CRMP1: variants seen among roughly 807,000 people sequenced by gnomAD.
The protein encoded by CRMP1 is collapsin response mediator protein 1.
Under a neutral mutation model 68.3 loss-of-function variants are expected in CRMP1, and 19 were observed. The observed-to-expected ratio is 0.28, with a 90% CI of 0.19 to 0.41. The LOEUF (loss-of-function observed/expected upper bound fraction) is 0.41. Among genes scored for constraint, CRMP1 ranks in the 10% least tolerant of loss-of-function variants. CRMP1 has a pLI of 1.00. For synonymous variants in CRMP1, 439 were observed against 399.6 expected (o/e 1.10, Z -1.18); for missense variants, 791 against 967.4 (o/e 0.82, Z 2.42).
chr4:5,825,019 T>C lies in CRMP1; in HGVS notation c.1969+475A>G. On this transcript the variant is annotated intron_variant, in intron 13 of 13. Coordinates refer to ENST00000324989, the MANE Select transcript of CRMP1 (RefSeq NM_001014809.3). The surrounding 1 kb of genome is among the most constrained non-coding windows in gnomAD (Gnocchi z 4.4). ...GTTTCCTCTTTAAATAAATAGGGTA[T>C]AATGTTACTTTATGGAGTAGTGAGG... 2 of 985,184 alleles carry C rather than the reference T, an allele frequency of 2.0e-6. No individual in the cohort carries two copies. Among genetic ancestry groups the C allele is most frequent in the Non-Finnish European group, 2.4e-6 (2 of 829,718 alleles). The allele number at this position is 985,184 out of a possible 1,614,324, so 61.0% of individuals were successfully genotyped here. A position where few individuals can be genotyped will look rare whatever the true frequency, so the allele number is the denominator to read the frequency against.
intron 1 of CRMP1, among the ~76,000 whole-genome samples, chr4:5,880,630 T>A (rs1260955633): frequency 1.3e-5 from 2 of 152,194 alleles, no homozygotes; most frequent in African/African-American, 2.4e-5. Flanking sequence ...CCATGTGAAA[T>A]GCAGCGAAGC....
At position 5,834,235 on chromosome 4, in the gene CRMP1, A is replaced by G. The variant is rs561554403; in HGVS notation, c.1623+1680T>C. On this transcript the variant is annotated intron_variant, in intron 11 of 13. Coordinates refer to ENST00000324989, the MANE Select transcript of CRMP1 (RefSeq NM_001014809.3). This position sits in a 1 kb window ranked among gnomAD's most constrained non-coding sequence, Gnocchi z 4.3. ...GTGCACACCCTGTGCTATGGTTGGA[A>G]TATCCCCTCAAAATTCAACTGGACA... Among the ~76,000 whole-genome samples the G allele has an allele frequency of 3.4e-4, 52 of 152,194 alleles. No individual in the cohort carries two copies. Among genetic ancestry groups the G allele is most frequent in the Non-Finnish European group, 7.2e-4 (49 of 68,030 alleles).
Position 5,861,016 on chromosome 4 carries a change from T to C in CRMP1, c.655+10A>G. The C allele has an allele frequency of 6.2e-7, 1 of 1,613,270 alleles. No homozygotes were observed. The highest frequency in any genetic ancestry group is 8.5e-7 in the Non-Finnish European group (1 of 1,179,704). On this transcript the variant is annotated intron_variant, in intron 3 of 13. Coordinates refer to ENST00000324989, the MANE Select transcript of CRMP1 (RefSeq NM_001014809.3). The surrounding 1 kb of genome is among the most constrained non-coding windows in gnomAD (Gnocchi z 6.0). ...TCTATGTCCCTAAGGCAGGGGACAG[T>C]GTCACTCACTGATCATCGTGGTCCC...
At chr4:5,869,228 C>T (rs550995250) in intron 1 of CRMP1, among the ~76,000 whole-genome samples, 1 of 152,306 alleles carries the variant, frequency 6.6e-6, no homozygotes, top group South Asian at 2.1e-4. Context: ...ACCGGGATTA[C>T]AGGTGTGAGC....
At position 5,891,448 on chromosome 4, in the gene CRMP1, A is replaced by T. The variant is rs1715946974; in HGVS notation, c.381+1141T>A. 1.3e-5 allele frequency among the ~76,000 whole-genome samples: 2 copies of T among 152,208 alleles called. No homozygotes were observed. The highest frequency in any genetic ancestry group is 4.8e-5 in the African/African-American group (2 of 41,460). On this transcript the variant is annotated intron_variant, in intron 1 of 13. Coordinates refer to ENST00000324989, the MANE Select transcript of CRMP1 (RefSeq NM_001014809.3). This position sits in a 1 kb window ranked among gnomAD's most constrained non-coding sequence, Gnocchi z 5.2. ...CATTTAAGAGGGGAAGGTTTAATTA[A>T]AATGATAATGATTGTAATAAAAGTC...
rs986493784 is a variant in CRMP1 at position 5,825,058 on chromosome 4, A to T, written c.1969+436T>A. Reference sequence around the variant, plus strand: ...GGAGTAGTGAGGATAAAATAAAATCATGGGTTATGAAAGTGCTTAGTACAC... The same window carrying T: ...GGAGTAGTGAGGATAAAATAAAATCTTGGGTTATGAAAGTGCTTAGTACAC... On this transcript the variant is annotated intron_variant, in intron 13 of 13. Transcript: ENST00000324989. This position sits in a 1 kb window ranked among gnomAD's most constrained non-coding sequence, Gnocchi z 4.4. 6.1e-6 allele frequency: 6 copies of T among 985,274 alleles called. No individual in the cohort carries two copies. In the African/African-American group the frequency reaches 1.0e-4, roughly 17 times the overall value. The allele number at this position is 985,274 out of a possible 1,614,324, so 61.0% of individuals were successfully genotyped here.
At position 5,824,732 on chromosome 4, in the gene CRMP1, G is replaced by GA. The variant is rs553606355; in HGVS notation, c.1969+761dup. On this transcript the variant is annotated intron_variant, in intron 13 of 13. Coordinates refer to ENST00000324989, the MANE Select transcript of CRMP1 (RefSeq NM_001014809.3). The stretch of plus-strand genomic sequence containing the variant: ...AAGTATTTACTATCCGGCCTTCTAA[G>GA]AAAAAAAATCACCATACTCTTAGTA... 38 of 984,892 alleles carry GA rather than the reference G, an allele frequency of 3.9e-5. No individual in the cohort carries two copies. The South Asian group carries it at 1.1e-3, about 28-fold the overall frequency. 61.0% of individuals were successfully genotyped at this position (984,892 alleles called of 1,614,324 possible). A position where few individuals can be genotyped will look rare whatever the true frequency, so the allele number is the denominator to read the frequency against.
rs1711713028 is a variant in CRMP1, at chr4:5,841,375, G to A, written c.1086C>T (p.Cys362=). The A allele has an allele frequency of 2.5e-6, 4 of 1,614,038 alleles. No homozygotes were observed. The South Asian group carries it at 4.4e-5, about 18-fold the overall frequency. ...TCATGACCTTGGTGATGTACACAGG[G>A]CAGTTGATCCGGCCCGCAATGGTGA... ...RAITIAGRIN[C]PVYITKVMSK... The change falls in exon 8 of 14, where the codon TGC becomes TGT. Residue 362 remains cysteine, a synonymous_variant. Transcript: ENST00000324989. The surrounding 1 kb of genome is among the most constrained non-coding windows in gnomAD (Gnocchi z 6.9).
In CRMP1 at chr4:5,867,678, G is replaced by T. The variant is rs542525477; in HGVS notation, c.382-922C>A. On this transcript the variant is annotated intron_variant, in intron 1 of 13. Transcript: ENST00000324989. Reference sequence around the variant, plus strand: ...CAGGGGGTTGACAGATGGAGAGACAGATGTTTATCAAGTCATGGGGTATGT... The same window carrying T: ...CAGGGGGTTGACAGATGGAGAGACATATGTTTATCAAGTCATGGGGTATGT... Among the ~76,000 whole-genome samples the T allele has an allele frequency of 2.6e-5, 4 of 152,302 alleles. No individual in the cohort carries two copies. The South Asian group carries it at 8.3e-4, about 32-fold the overall frequency.
At chr4:5,852,524 A>T (rs1712736673) in intron 4 of CRMP1, among the ~76,000 whole-genome samples, 1 of 151,958 alleles carries the variant, frequency 6.6e-6, no homozygotes, top group Admixed American at 6.6e-5. Flanking sequence ...TTCCTAACTT[A>T]TTTATTCATG....
In CRMP1 at chr4:5,843,585, G is replaced by A. The variant is rs938818439; in HGVS notation, c.964-424C>T. ...CTTTGATGTTGAAATCAAAGATCCC[G>A]AAACTGGGAGTCCAGATCCAGAACA... On this transcript the variant is annotated intron_variant, in intron 6 of 13. Transcript: ENST00000324989. This position sits in a 1 kb window ranked among gnomAD's most constrained non-coding sequence, Gnocchi z 4.1. 2.6e-5 allele frequency among the ~76,000 whole-genome samples: 4 copies of A among 152,126 alleles called. No individual in the cohort carries two copies. The highest frequency in any genetic ancestry group is 5.9e-5 in the Non-Finnish European group (4 of 68,024).
chr4:5,824,699 A>C, intron 13 of CRMP1: 11 of 974,226 alleles, frequency 1.1e-5, no homozygotes, highest in Non-Finnish European at 1.3e-5. Context: ...CTTAGCTTAC[A>C]AAGCCTAAAG....
At chr4:5,848,148 T>G (rs74676432) in intron 6 of CRMP1, among the ~76,000 whole-genome samples, 1 of 132,200 alleles carries the variant, frequency 7.6e-6, no homozygotes, top group African/African-American at 3.1e-5. Context: ...CCTGACTTCA[T>G]TTTTTTTTTT....
chr4:5,843,202 C>G lies in CRMP1; in HGVS notation c.964-41G>C. 1.9e-6 allele frequency: 3 copies of G among 1,608,886 alleles called. No homozygotes were observed. Among genetic ancestry groups the G allele is most frequent in the Non-Finnish European group, 2.6e-6 (3 of 1,175,376 alleles). The stretch of plus-strand genomic sequence containing the variant: ...AAGTGAGTTAACGATTAGAGGGTGT[C>G]AGAGCTGGGAGAAGTGACTCCTCCA... On this transcript the variant is annotated intron_variant, in intron 6 of 13. Transcript: ENST00000324989. This position sits in a 1 kb window ranked among gnomAD's most constrained non-coding sequence, Gnocchi z 4.1.
Position 5,888,513 on chromosome 4 carries a change from C to A in CRMP1, c.381+4076G>T. ...GGGCGGGAGAAGGAGGAGGGAGAGG[C>A]GAGGGCGGGAGGAGGGGGCTGCAGA... is the stretch of plus-strand genomic sequence containing the variant. On this transcript the variant is annotated intron_variant, in intron 1 of 13. Coordinates refer to ENST00000324989, the MANE Select transcript of CRMP1 (RefSeq NM_001014809.3). The surrounding 1 kb of genome is among the most constrained non-coding windows in gnomAD (Gnocchi z 6.4). The A allele has an allele frequency of 4.2e-6, 5 of 1,190,370 alleles. No homozygotes were observed. Among genetic ancestry groups the A allele is most frequent in the Non-Finnish European group, 5.2e-6 (5 of 961,606 alleles). The allele number at this position is 1,190,370 out of a possible 1,614,324, so 73.7% of individuals were successfully genotyped here. A position where few individuals can be genotyped will look rare whatever the true frequency, so the allele number is the denominator to read the frequency against.
intron 6 of CRMP1, among the ~76,000 whole-genome samples, chr4:5,845,576 T>C (rs997867276): frequency 1.3e-5 from 2 of 152,202 alleles, no homozygotes; most frequent in Non-Finnish European, 2.9e-5. Context: ...CCACTCACTA[T>C]GGCCTGTGAG....
rs137959994 is a variant in CRMP1, at chr4:5,825,642, C to A, written c.1821G>T (p.Gly607=). The A allele has an allele frequency of 6.2e-7, 1 of 1,611,578 alleles. No homozygotes were observed. Among genetic ancestry groups the A allele is most frequent in the African/African-American group, 1.3e-5 (1 of 74,746 alleles). The change falls in exon 13 of 14, where the codon GGG becomes GGT. Residue 607 remains glycine (G), a synonymous_variant. Coordinates refer to ENST00000324989, the MANE Select transcript of CRMP1 (RefSeq NM_001014809.3). The surrounding 1 kb of genome is among the most constrained non-coding windows in gnomAD (Gnocchi z 4.4). ...GACCGTCATACATGCCCCTGGAAAC[C>A]CCTTGCAATCCAAAAACCTAAACAG... ...KIRNKVFGLQ[G]VSRGMYDGPV...
chr4:5,835,921 G>A lies in CRMP1; in HGVS notation c.1617C>T (p.His539=). ...CAAATAGGCCAGGACTTACCGACTT[G>A]TGACTTTTGGCTGTTATGGTCTTCA... is the stretch of plus-strand genomic sequence containing the variant. ...DKLKTITAKS[H]KSAVEYNIFE... is the part of the protein sequence containing the mutation. The change falls in exon 11 of 14, where the codon CAC becomes CAT. Residue 539 remains histidine, a synonymous_variant. Coordinates refer to ENST00000324989, the MANE Select transcript of CRMP1 (RefSeq NM_001014809.3). The A allele has an allele frequency of 2.6e-6, 4 of 1,545,280 alleles. No individual in the cohort carries two copies. Among genetic ancestry groups the A allele is most frequent in the South Asian group, 1.3e-5 (1 of 78,440 alleles).
rs1025791021 is a variant in CRMP1 at position 5,828,682 on chromosome 4, C to T, written c.1624-14G>A. 1.2e-6 allele frequency: 2 copies of T among 1,611,542 alleles called. No individual in the cohort carries two copies. The highest frequency in any genetic ancestry group is 1.3e-5 in the African/African-American group (1 of 75,020). ...GTACTCCACCGCCTGCACCAACAGCCTCAGTGTTACTTCCCAGGATTTGCT... is the reference window on the plus strand; with the variant it reads ...GTACTCCACCGCCTGCACCAACAGCTTCAGTGTTACTTCCCAGGATTTGCT... On this transcript the variant is annotated splice_polypyrimidine_tract_variant and intron_variant, in intron 11 of 13. Coordinates refer to ENST00000324989, the MANE Select transcript of CRMP1 (RefSeq NM_001014809.3).
Sources: allele counts gnomAD v4.1 joint callset (sites outside exome capture counted in the v4.1 genomes callset), GRCh38; gene constraint gnomAD v4.1.1; non-coding constraint Gnocchi (gnomAD v3.1); transcripts MANE v1.5; gene names NCBI Gene and HGNC (gene_info 2026-07-23, HGNC 2026-07-21).